DLGAP1: variants seen among roughly 807,000 people sequenced by gnomAD.
DLGAP1 encodes the protein disks large-associated protein 1.
In DLGAP1, 11 loss-of-function variants were observed where a neutral mutation model predicts 90.8. The ratio of observed to expected loss-of-function variants is 0.12; its 90% CI spans 0.08 to 0.20. The LOEUF (loss-of-function observed/expected upper bound fraction) is 0.20, where lower values mean the gene tolerates loss of function less well. DLGAP1 is among the 10% of genes least tolerant of loss of function. The pLI is 1.00. For synonymous variants in DLGAP1, 558 were observed against 540.7 expected, an observed-to-expected ratio of 1.03 and a Z score of -0.44; for missense variants, 1,050 against 1,333.8, an observed-to-expected ratio of 0.79 and a Z score of 3.31.
intron 2 of DLGAP1, among the ~76,000 whole-genome samples, chr18:4,009,270 T>G (rs1394939379): frequency 6.6e-6 from 1 of 152,160 alleles, no homozygotes; most frequent in African/African-American, 2.4e-5. Context: ...AATCTGCAAA[T>G]GAGCGGATGC....
At chr18:4,301,510 T>C (rs1343071930) in intron 1 of DLGAP1, among the ~76,000 whole-genome samples, 1 of 152,222 alleles carries the variant, frequency 6.6e-6, no homozygotes, top group Non-Finnish European at 1.5e-5. Flanking sequence ...TGTGTTTGTA[T>C]ATATATATCA....
intron 5 of DLGAP1, among the ~76,000 whole-genome samples, chr18:3,744,334 TG>T (rs1319234520): frequency 6.6e-6 from 1 of 151,956 alleles, no homozygotes; most frequent in Non-Finnish European, 1.5e-5. Context: ...AAAATTTTAA[TG>T]AAAAAAATTC....
At chr18:3,724,730 C>A (rs1171566098) in intron 7 of DLGAP1, among the ~76,000 whole-genome samples, 1 of 151,804 alleles carries the variant, frequency 6.6e-6, no homozygotes, top group African/African-American at 2.4e-5. Flanking sequence ...GAGCAAGATC[C>A]CATCTCAAAA....
intron 4 of DLGAP1, among the ~76,000 whole-genome samples, chr18:3,817,201 C>A (rs1013805351): frequency 1.3e-5 from 2 of 152,178 alleles, no homozygotes; most frequent in African/African-American, 4.8e-5. Flanking sequence ...TGGAGTATGT[C>A]AGAGACTAAT....
At chr18:4,105,815 G>C (rs1291123749) in intron 2 of DLGAP1, among the ~76,000 whole-genome samples, 2 of 151,972 alleles carry the variant, frequency 1.3e-5, no homozygotes, top group Non-Finnish European at 2.9e-5. Context: ...CGGATCATGA[G>C]GTCAGGAGAT....
At chr18:3,938,150 C>G (rs559822938) in intron 3 of DLGAP1, among the ~76,000 whole-genome samples, 2 of 152,140 alleles carry the variant, frequency 1.3e-5, no homozygotes, top group African/African-American at 2.4e-5. Flanking sequence ...GAAACATACA[C>G]GTTAAAAAAG....
intron 4 of DLGAP1, among the ~76,000 whole-genome samples, chr18:3,855,715 G>A (rs1023254320): frequency 3.3e-5 from 5 of 152,124 alleles, no homozygotes; most frequent in African/African-American, 9.7e-5. Context: ...CCCGGTACAA[G>A]CAATTCTCCC....
At chr18:3,675,724 A>G (rs2060273102) in intron 7 of DLGAP1, among the ~76,000 whole-genome samples, 1 of 152,110 alleles carries the variant, frequency 6.6e-6, no homozygotes, top group African/African-American at 2.4e-5. Context: ...AGGGCTTTCC[A>G]TTAAGGCCTT....
At chr18:3,635,215 C>T (rs1211474091) in intron 7 of DLGAP1, among the ~76,000 whole-genome samples, 1 of 151,678 alleles carries the variant, frequency 6.6e-6, no homozygotes, top group Admixed American at 6.6e-5. Flanking sequence ...ACTGCAAGCT[C>T]CGCCTCCCGG....
chr18:3,795,529 T>C (rs1282596608), intron 5 of DLGAP1, among the ~76,000 whole-genome samples: 3 of 152,194 alleles, frequency 2.0e-5, no homozygotes, highest in Non-Finnish European at 4.4e-5. Flanking sequence ...TTGGCCAGGA[T>C]GGTCTCGATC....
At chr18:3,540,365 G>A (rs2052619786) in intron 9 of DLGAP1, among the ~76,000 whole-genome samples, 3 of 150,718 alleles carry the variant, frequency 2.0e-5, no homozygotes, top group African/African-American at 7.3e-5. Context: ...TACTCGGGAG[G>A]CTAAGGCACG....
intron 4 of DLGAP1, among the ~76,000 whole-genome samples, chr18:3,853,939 C>T (rs1040242234): frequency 6.6e-6 from 1 of 151,824 alleles, no homozygotes; most frequent in Admixed American, 6.6e-5. Context: ...CTTTTTTTCC[C>T]TCCTTGGTGA....
intron 4 of DLGAP1, among the ~76,000 whole-genome samples, chr18:3,866,454 GACAGCCCAGGT>G: frequency 6.6e-6 from 1 of 152,242 alleles, no homozygotes. Flanking sequence ...TCAAATTATA[GACAGCCCAGGT>G]ACAGGGTGGG....
intron 1 of DLGAP1, among the ~76,000 whole-genome samples, chr18:4,325,841 C>T (rs770431964): frequency 6.6e-6 from 1 of 152,108 alleles, no homozygotes; most frequent in Non-Finnish European, 1.5e-5. Flanking sequence ...CCCTACCTTA[C>T]ACCACATACA....
chr18:3,878,430 C>T (rs1047054613), intron 4 of DLGAP1: 2 of 152,168 alleles, frequency 1.3e-5, no homozygotes, highest in Admixed American at 1.3e-4. Flanking sequence ...GATTTACATG[C>T]TGACACTAAT....
At chr18:3,907,337 G>C (rs753419403) in intron 3 of DLGAP1, among the ~76,000 whole-genome samples, 1 of 152,162 alleles carries the variant, frequency 6.6e-6, no homozygotes, top group Non-Finnish European at 1.5e-5. Context: ...TTGAACCTCA[G>C]TTTATAAAAC....
intron 1 of DLGAP1, among the ~76,000 whole-genome samples, chr18:4,415,036 T>TAC (rs2082861443): frequency 1.5e-5 from 2 of 132,796 alleles, no homozygotes; most frequent in African/African-American, 5.8e-5. Flanking sequence ...CATATATATA[T>TAC]ATACACACAC....
chr18:4,139,189 T>C (rs75366847), intron 2 of DLGAP1, among the ~76,000 whole-genome samples: 2,213 of 152,120 alleles, frequency 0.015, 44 homozygotes, highest in African/African-American at 0.046. Flanking sequence ...TGCTCTCACT[T>C]TTCTAGTTTT....
At position 3,772,344 on chromosome 18, in the gene DLGAP1, CTCTCTTTCTTTCTTTCTT is replaced by C. The variant is rs1180181500; in HGVS notation, c.1173-29850_1173-29833del. On this transcript the variant is annotated intron_variant, in intron 5 of 12. Transcript: ENST00000315677. ...TTCCTTTCTCTCCTTCTCTCTCTCT[CTCTCTTTCTTTCTTTCTT>C]TCTTTCTTTCTTTCTTTCTTTCTTT... is the stretch of plus-strand genomic sequence containing the variant. Among the ~76,000 whole-genome samples, 117 of 15,240 alleles carry C rather than the reference CTCTCTTTCTTTCTTTCTT, an allele frequency of 7.7e-3. 7 individuals carry two copies. Among genetic ancestry groups the C allele is most frequent in the African/African-American group, 0.019 (100 of 5,302 alleles). 10.0% of individuals were successfully genotyped at this position (15,240 alleles called of 152,430 possible).
Sources: gnomAD v4.1 joint callset for allele counts (sites outside exome capture counted in the v4.1 genomes callset) on GRCh38, gnomAD v4.1.1 for gene constraint, MANE v1.5 for transcripts, NCBI Gene and HGNC (gene_info 2026-07-23, HGNC 2026-07-21) for gene names.